Variants in BOD1L1 observed in about 807,000 individuals in gnomAD.
BOD1L1 encodes biorientation of chromosomes in cell division 1 like 1, also known as biorientation of chromosomes in cell division protein 1-like 1.
A neutral mutation model predicts 240.7 loss-of-function variants in BOD1L1; 86 were observed. That is an observed-to-expected ratio of 0.36 (90% CI 0.30 to 0.43). The LOEUF (loss-of-function observed/expected upper bound fraction) is 0.43, where lower values mean the gene tolerates loss of function less well. Among genes scored for constraint, BOD1L1 ranks in the 20% least tolerant of loss-of-function variants. The probability of loss-of-function intolerance (pLI) is 1.00; values close to 1 mark genes in which losing one functional copy is unlikely to be tolerated. For synonymous variants in BOD1L1, 1,268 were observed against 1,272.3 expected, an observed-to-expected ratio of 1.00 and a Z score of 0.07; for missense variants, 3,554 against 3,643.5, an observed-to-expected ratio of 0.98 and a Z score of 0.63.
In BOD1L1 at chr4:13,579,925, T is replaced by A; in HGVS notation, c.8749+3A>T. On this transcript the variant is annotated splice_donor_region_variant and intron_variant, in intron 22 of 25. Transcript: ENST00000040738. The stretch of plus-strand genomic sequence containing the variant: ...CACACAGAGGAATGCGGTAGGTACA[T>A]ACCTGTTTGCATTACTTTCAGTTTG... 6.4e-7 allele frequency: 1 copy of A among 1,560,936 alleles called. No homozygotes were observed. The highest frequency in any genetic ancestry group is 8.7e-7 in the Non-Finnish European group (1 of 1,151,112).
chr4:13,596,093 A>G (rs1001140447), intron 11 of BOD1L1, 149 bp from the exon 12 acceptor site: 2 of 641,360 alleles, frequency 3.1e-6, no homozygotes, highest in Admixed American at 3.1e-5. Flanking sequence ...AAATAAATAC[A>G]TCAACCTTTA....
At chr4:13,623,750 C>G (rs1435292813) in intron 1 of BOD1L1, 2 of 152,200 alleles carry the variant, frequency 1.3e-5, no homozygotes, top group African/African-American at 2.4e-5. Flanking sequence ...CAGTTTTGCT[C>G]TTAGCACCTG....
Position 13,569,949 on chromosome 4 carries a change from A to G in BOD1L1, c.*62T>C. The G allele has an allele frequency of 4.8e-6, 6 of 1,257,800 alleles. No individual in the cohort carries two copies. Among genetic ancestry groups the G allele is most frequent in the Non-Finnish European group, 5.3e-6 (5 of 942,372 alleles). The allele number at this position is 1,257,800 out of a possible 1,614,324, so 77.9% of individuals were successfully genotyped here. The stretch of plus-strand genomic sequence containing the variant: ...GGTTAAAGAGAAGCCTATGGCCACC[A>G]AGGCATGTCTCTTTCCTCTCCACCG... On this transcript the variant is annotated 3_prime_UTR_variant, in exon 26 of 26. Coordinates refer to ENST00000040738, the MANE Select transcript of BOD1L1 (RefSeq NM_148894.3).
At position 13,600,098 on chromosome 4, in the gene BOD1L1, C is replaced by G. The variant is rs372717326; in HGVS notation, c.6802G>C (p.Val2268Leu). The change falls in exon 10 of 26, where the codon GTG (valine) becomes CTG (leucine). Residue 2268 changes from valine to leucine, a missense_variant. Physicochemically the swap from Val to Leu is conservative, Grantham distance 32. Coordinates refer to ENST00000040738, the MANE Select transcript of BOD1L1 (RefSeq NM_148894.3). ...TSSVEDCEGP[V>L]SSAVPQEEGD... is the part of the protein sequence containing the mutation. ...TCCTCTTGAGGGACAGCACTGGACACTGGGCCCTCACAGTCTTCCACCGAG... is the reference window on the plus strand; with the variant it reads ...TCCTCTTGAGGGACAGCACTGGACAGTGGGCCCTCACAGTCTTCCACCGAG... The G allele has an allele frequency of 1.9e-6, 3 of 1,613,838 alleles. No individual in the cohort carries two copies. The highest frequency in any genetic ancestry group is 2.5e-6 in the Non-Finnish European group (3 of 1,179,844).
chr4:13,608,486 C>CAGGGGAGTGTTATA, intron 8 of BOD1L1, 44 bp downstream of exon 8: 1 of 1,443,608 alleles, frequency 6.9e-7, no homozygotes, highest in Non-Finnish European at 9.1e-7. Context: ...TGAAAGCACC[C>CAGGGGAGTGTTATA]AGGGGAGTGT....
chr4:13,600,498 T>A lies in BOD1L1; in HGVS notation c.6402A>T (p.Arg2134Ser), dbSNP rs758532966. 1.9e-6 allele frequency: 3 copies of A among 1,613,940 alleles called. No homozygotes were observed. In the South Asian group the frequency reaches 3.3e-5, roughly 18 times the overall value. The change falls in exon 10 of 26, where the codon AGA becomes AGT. Residue 2134 changes from arginine (R) to serine (S), a missense_variant. Coordinates refer to ENST00000040738, the MANE Select transcript of BOD1L1 (RefSeq NM_148894.3). ...SGDDSQLTAS[R>S]SEEKDECAMI... ...TGGCACACTCATCTTTCTCTTCACTTCTGCTGGCAGTGAGTTGGCTGTCAT... is the reference window on the plus strand; with the variant it reads ...TGGCACACTCATCTTTCTCTTCACTACTGCTGGCAGTGAGTTGGCTGTCAT...
intron 17 of BOD1L1, among the ~76,000 whole-genome samples, chr4:13,585,850 T>C (rs1049887316): frequency 6.6e-6 from 1 of 152,192 alleles, no homozygotes; most frequent in Non-Finnish European, 1.5e-5. Flanking sequence ...TTGCCTGTTG[T>C]CATGTTAAGA....
intron 25 of BOD1L1, among the ~76,000 whole-genome samples, chr4:13,576,189 C>T (rs1246757783): frequency 2.0e-5 from 3 of 151,912 alleles, no homozygotes; most frequent in Non-Finnish European, 1.5e-5. Flanking sequence ...CGTGAGTCAC[C>T]GCGCCCAGCC....
intron 1 of BOD1L1, chr4:13,625,589 GA>G (rs1167309649): frequency 1.3e-5 from 2 of 152,092 alleles, no homozygotes; most frequent in African/African-American, 2.4e-5. Flanking sequence ...GGGTTTCTGA[GA>G]ACACACAGAT....
intron 13 of BOD1L1, among the ~76,000 whole-genome samples, chr4:13,591,422 G>C (rs976986610): frequency 2.0e-5 from 3 of 152,128 alleles, no homozygotes; most frequent in African/African-American, 7.2e-5. Flanking sequence ...TTTATAAAAT[G>C]TTCACTCCTG....
At chr4:13,607,513 G>C (rs189699538) in intron 8 of BOD1L1, among the ~76,000 whole-genome samples, 1 of 152,136 alleles carries the variant, frequency 6.6e-6, no homozygotes, top group South Asian at 2.1e-4. Flanking sequence ...GGTCAGGCTG[G>C]TCTCAAACTC....
chr4:13,585,708 T>C (rs774789522), intron 17 of BOD1L1, among the ~76,000 whole-genome samples: 1 of 152,078 alleles, frequency 6.6e-6, no homozygotes, highest in Non-Finnish European at 1.5e-5. Context: ...AATCCCCACT[T>C]GTAGTGGGAA....
chr4:13,570,741 T>C (rs1173705756), intron 25 of BOD1L1, among the ~76,000 whole-genome samples: 2 of 152,180 alleles, frequency 1.3e-5, no homozygotes, highest in African/African-American at 4.8e-5. Context: ...TCCTCTTGGG[T>C]CTCTGATGCT....
chr4:13,619,702 T>C (rs1209130505), intron 2 of BOD1L1, among the ~76,000 whole-genome samples: 1 of 152,202 alleles, frequency 6.6e-6, no homozygotes, highest in Non-Finnish European at 1.5e-5. Context: ...TACTGTTATT[T>C]CCTTCCTTCA....
At chr4:13,591,988 A>G in intron 12 of BOD1L1, 22 bp from the exon 13 acceptor site, 1 of 1,517,038 alleles carries the variant, frequency 6.6e-7, no homozygotes, top group Non-Finnish European at 8.9e-7. Context: ...TAAAAATGAG[A>G]TGTAAAGAAA....
In BOD1L1 at chr4:13,577,442, T is replaced by C. The variant is rs763727976; in HGVS notation, c.8845A>G (p.Arg2949Gly). ...KIVTSVRRRG[R>G]KPKRSLTVSD... Reference sequence around the variant, plus strand: ...ACAGTGAGAGAACGTTTGGGTTTTCTTCCTCTCCGACGCACACTTGTTACT... The same window carrying C: ...ACAGTGAGAGAACGTTTGGGTTTTCCTCCTCTCCGACGCACACTTGTTACT... The change falls in exon 24 of 26, where the codon AGA becomes GGA. Residue 2949 changes from arginine (R) to glycine (G), a missense_variant. Arg to Gly is a moderately radical substitution (Grantham distance 125). Transcript: ENST00000040738. 6.2e-7 allele frequency: 1 copy of C among 1,613,864 alleles called. No homozygotes were observed. The highest frequency in any genetic ancestry group is 1.7e-5 in the Admixed American group (1 of 60,024).
intron 5 of BOD1L1, among the ~76,000 whole-genome samples, chr4:13,612,437 T>TGGTGCTCAG: frequency 6.6e-6 from 1 of 152,322 alleles, no homozygotes; most frequent in African/African-American, 2.4e-5. Flanking sequence ...AAATCTGCAC[T>TGGTGCTCAG]GGTGCTCACT....
At position 13,600,509 on chromosome 4, in the gene BOD1L1, T is replaced by G. The variant is rs764173778; in HGVS notation, c.6391A>C (p.Thr2131Pro). The G allele has an allele frequency of 6.2e-7, 1 of 1,613,980 alleles. No homozygotes were observed. The highest frequency in any genetic ancestry group is 8.5e-7 in the Non-Finnish European group (1 of 1,179,882). Reference protein sequence around the residue: ...SAVSGDDSQLTASRSEEKDEC... With the variant: ...SAVSGDDSQLPASRSEEKDEC... Reference sequence around the variant, plus strand: ...TCTTTCTCTTCACTTCTGCTGGCAGTGAGTTGGCTGTCATCTCCTGAGACT... The same window carrying G: ...TCTTTCTCTTCACTTCTGCTGGCAGGGAGTTGGCTGTCATCTCCTGAGACT... Residue 2131 changes from threonine to proline, a missense_variant, in exon 10 of 26, where the codon ACT becomes CCT. Around this residue, in one of 2 missense-constraint regions of BOD1L1, gnomAD observed 3,393 missense variants for 3,427.1 expected, o/e 0.99. Coordinates refer to ENST00000040738, the MANE Select transcript of BOD1L1 (RefSeq NM_148894.3).
At chr4:13,594,627 T>C (rs192789375) in intron 12 of BOD1L1, among the ~76,000 whole-genome samples, 27 of 152,342 alleles carry the variant, frequency 1.8e-4, no homozygotes, top group Admixed American at 1.4e-3. Flanking sequence ...TGGCTTTCAG[T>C]GGCTCATGCA....
Sources: gnomAD v4.1 joint callset for allele counts (sites outside exome capture counted in the v4.1 genomes callset) on GRCh38, gnomAD v4.1.1 for gene constraint, gnomAD v4.1.1 regional missense constraint, MANE v1.5 for transcripts, NCBI Gene and HGNC (gene_info 2026-07-23, HGNC 2026-07-21) for gene names.